CKAP5: variants seen among roughly 807,000 people sequenced by gnomAD.
The protein encoded by CKAP5 is cytoskeleton associated protein 5, also known as cytoskeleton-associated protein 5.
CKAP5 carries 27 observed loss-of-function variants against 232.8 expected under a neutral mutation model. The observed-to-expected ratio is 0.12, with a 90% CI of 0.09 to 0.16. The LOEUF is 0.16. Among genes scored for constraint, CKAP5 ranks in the 10% least tolerant of loss-of-function variants. The pLI is 1.00. For missense variants in CKAP5, 1,838 were observed against 2,424.7 expected (o/e 0.76, Z 5.08); for synonymous variants, 785 against 841.1 (o/e 0.93, Z 1.16).
Position 46,788,779 on chromosome 11 carries a change from A to G in CKAP5, c.1876-6T>C. 6.3e-7 allele frequency: 1 copy of G among 1,591,648 alleles called. No individual in the cohort carries two copies. Among genetic ancestry groups the G allele is most frequent in the Non-Finnish European group, 8.6e-7 (1 of 1,166,006 alleles). On this transcript the variant is annotated splice_polypyrimidine_tract_variant and splice_region_variant and intron_variant, in intron 15 of 43. Coordinates refer to ENST00000529230, the MANE Select transcript of CKAP5 (RefSeq NM_001008938.4). ...CGGTCCATTAGCTCAACAGCCTTGA[A>G]GTAAAATAAGAGAATAAGAGTTTAA... is the stretch of plus-strand genomic sequence containing the variant.
intron 1 of CKAP5, among the ~76,000 whole-genome samples, chr11:46,834,081 G>A (rs996544420): frequency 2.0e-5 from 3 of 152,112 alleles, no homozygotes; most frequent in African/African-American, 7.2e-5. Flanking sequence ...TGTTGGCCAG[G>A]CTGGTCCTGA....
chr11:46,841,031 G>A (rs1201901255), intron 1 of CKAP5, among the ~76,000 whole-genome samples: 1 of 152,166 alleles, frequency 6.6e-6, no homozygotes, highest in Non-Finnish European at 1.5e-5. Context: ...CACTTTGGGA[G>A]GCTGAGGCGG....
At position 46,770,937 on chromosome 11, in the gene CKAP5, G is replaced by A; in HGVS notation, c.3037C>T (p.Pro1013Ser). ...AEKLPTLRST[P>S]TDLILCVPHL... ...GGAACACAAAGGATAAGGTCTGTAG[G>A]GGTGGAACGAAGAGTAGGTAGTTTC... is the stretch of plus-strand genomic sequence containing the variant. Residue 1013 changes from proline to serine, a missense_variant, in exon 25 of 44, where the codon CCT (proline) becomes TCT (serine). Pro to Ser is a moderately conservative substitution (Grantham distance 74, BLOSUM62 -1). Coordinates refer to ENST00000529230, the MANE Select transcript of CKAP5 (RefSeq NM_001008938.4). 5 of 1,613,794 alleles carry A rather than the reference G, an allele frequency of 3.1e-6. 1 individual carries two copies. The Admixed American group carries it at 8.3e-5, about 27-fold the overall frequency.
At chr11:46,820,819 C>T (rs186014104) in intron 2 of CKAP5, 111 of 159,950 alleles carry the variant, frequency 6.9e-4, no homozygotes, top group African/African-American at 2.4e-3. Flanking sequence ...AGGCCAAATT[C>T]AGAACACATC....
intron 42 of CKAP5, 84 bp downstream of exon 42, chr11:46,750,190 T>C (rs1176284274): frequency 2.9e-6 from 4 of 1,367,590 alleles, no homozygotes; most frequent in South Asian, 1.4e-5. Context: ...TTCATGGATA[T>C]GAATTTAAAC....
At chr11:46,831,728 C>T (rs1939797551) in intron 1 of CKAP5, among the ~76,000 whole-genome samples, 1 of 151,950 alleles carries the variant, frequency 6.6e-6, no homozygotes, top group Non-Finnish European at 1.5e-5. Context: ...GACAGGGTCT[C>T]ACTATGTGGC....
At position 46,765,209 on chromosome 11, in the gene CKAP5, A is replaced by C. The variant is rs765998587; in HGVS notation, c.3459T>G (p.Asp1153Glu). ...KMPSKTSLKE[D>E]EDKSGPIFIV... Reference sequence around the variant, plus strand: ...TAAAAATAGGCCCGGATTTGTCTTCATCCTCCTTTAAGCTGGTTTTGCTTG... The same window carrying C: ...TAAAAATAGGCCCGGATTTGTCTTCCTCCTCCTTTAAGCTGGTTTTGCTTG... Residue 1153 changes from aspartate to glutamate, a missense_variant, in exon 28 of 44, where the codon GAT becomes GAG. Physicochemically the swap from Asp to Glu is conservative, Grantham distance 45. Transcript: ENST00000529230. 7 of 1,613,016 alleles carry C rather than the reference A, an allele frequency of 4.3e-6. No individual in the cohort carries two copies. In the African/African-American group the frequency reaches 9.4e-5, roughly 22 times the overall value.
Position 46,797,935 on chromosome 11 carries a change from G to A in CKAP5, c.1208C>T (p.Ala403Val), listed in dbSNP as rs1405358906. 1.4e-5 allele frequency: 22 copies of A among 1,613,820 alleles called. No homozygotes were observed. The highest frequency in any genetic ancestry group is 1.8e-5 in the Non-Finnish European group (21 of 1,179,998). Residue 403 changes from alanine (A) to valine (V), a missense_variant, in exon 11 of 44, where the codon GCA becomes GTA. By Grantham distance (64) the Ala-to-Val change is moderately conservative. This residue lies in a region of CKAP5 where 97 missense variants were observed against 167.7 expected (regional missense o/e 0.58). Coordinates refer to ENST00000529230, the MANE Select transcript of CKAP5 (RefSeq NM_001008938.4). ...TLQNISEDVL[A>V]VMDNKNPTIK... ...GGTTGGATTTTTATTATCCATTACT[G>A]CTAAAACATCCTCACTGATGTTCTG...
At chr11:46,823,181 G>A (rs1267819036) in intron 1 of CKAP5, among the ~76,000 whole-genome samples, 2 of 152,002 alleles carry the variant, frequency 1.3e-5, no homozygotes, top group Admixed American at 1.3e-4. Context: ...ATATTGCCCA[G>A]ACTGGTCTCG....
chr11:46,822,741 C>CAAAAAA (rs57170422), intron 1 of CKAP5, among the ~76,000 whole-genome samples: 6 of 77,878 alleles, frequency 7.7e-5, no homozygotes, highest in African/African-American at 2.5e-4. Context: ...GACTCCGTCC[C>CAAAAAA]AAAAAAAAAA....
chr11:46,765,290 T>C, intron 27 of CKAP5, 34 bp from the exon 28 acceptor site: 1 of 1,563,216 alleles, frequency 6.4e-7, no homozygotes, highest in Non-Finnish European at 8.7e-7. Context: ...CTGATTAGCT[T>C]GGCCACTTCT....
At chr11:46,809,106 C>T (rs191362160) in intron 7 of CKAP5, among the ~76,000 whole-genome samples, 362 of 152,076 alleles carry the variant, frequency 2.4e-3, no homozygotes, top group African/African-American at 8.3e-3. Context: ...GCAGTAGAAA[C>T]GGAGAAAGGG....
chr11:46,810,836 G>C (rs1939258707), intron 5 of CKAP5, among the ~76,000 whole-genome samples, 171 bp downstream of exon 5: 1 of 152,142 alleles, frequency 6.6e-6, no homozygotes, highest in African/African-American at 2.4e-5. Flanking sequence ...CAGATAATAA[G>C]TTCTGCCACC....
chr11:46,790,482 C>A lies in CKAP5; in HGVS notation c.1752G>T (p.Glu584Asp). Reference sequence around the variant, plus strand: ...TGTTAATACTGACCGAGAGCTCAGGCTCCACTATTTCTTTAGTCTCCAGTC... The same window carrying A: ...TGTTAATACTGACCGAGAGCTCAGGATCCACTATTTCTTTAGTCTCCAGTC... The part of the protein sequence containing the change: ...KKGLETKEIV[E>D]PELSIEVCEE... The change falls in exon 14 of 44, where the codon GAG (glutamate) becomes GAT (aspartate). Residue 584 changes from glutamate to aspartate, a missense_variant. Around this residue, in one of 6 missense-constraint regions of CKAP5, gnomAD observed 767 missense variants for 954.6 expected, o/e 0.80. Coordinates refer to ENST00000529230, the MANE Select transcript of CKAP5 (RefSeq NM_001008938.4). 6.2e-7 allele frequency: 1 copy of A among 1,611,934 alleles called. No individual in the cohort carries two copies. Among genetic ancestry groups the A allele is most frequent in the Non-Finnish European group, 8.5e-7 (1 of 1,178,078 alleles).
intron 7 of CKAP5, among the ~76,000 whole-genome samples, chr11:46,809,135 T>C (rs1939217936): frequency 6.6e-6 from 1 of 152,126 alleles, no homozygotes; most frequent in Non-Finnish European, 1.5e-5. Flanking sequence ...CGGAGCTCTT[T>C]AGTGTTAAAA....
rs1167444040 is a variant in CKAP5, at chr11:46,762,139, T to G, written c.4082A>C (p.Gln1361Pro). The change falls in exon 32 of 44, where the codon CAA (glutamine) becomes CCA (proline). Residue 1361 changes from glutamine to proline, a missense_variant. This residue lies in a region of CKAP5 where 579 missense variants were observed against 843.2 expected (regional missense o/e 0.69). Transcript: ENST00000529230. The part of the protein sequence containing the change: ...LVESYGMNVC[Q>P]PTPGKALKEI... ...CTTTAAGGCTTTTCCTGGGGTTGGT[T>G]GGCAAACATTCATGCCATAGGACTC... The G allele has an allele frequency of 2.5e-6, 4 of 1,614,042 alleles. No individual in the cohort carries two copies. The African/African-American group carries it at 5.3e-5, about 22-fold the overall frequency.
chr11:46,834,519 C>CAAA (rs35792132), intron 1 of CKAP5, among the ~76,000 whole-genome samples: 26 of 53,484 alleles, frequency 4.9e-4, no homozygotes, highest in African/African-American at 6.1e-4. Flanking sequence ...AACTCCATCT[C>CAAA]AAAAAAAAAA....
Position 46,778,136 on chromosome 11 carries a change from T to C in CKAP5, c.2748+3A>G. On this transcript the variant is annotated splice_donor_region_variant and intron_variant, in intron 22 of 43. Coordinates refer to ENST00000529230, the MANE Select transcript of CKAP5 (RefSeq NM_001008938.4). ...AAAAAGAACAGCCGTATGCTCTACA[T>C]ACCAAGATTTTATTTGAATCATTGA... 6.2e-7 allele frequency: 1 copy of C among 1,613,038 alleles called. No homozygotes were observed. The highest frequency in any genetic ancestry group is 8.5e-7 in the Non-Finnish European group (1 of 1,179,404).
chr11:46,772,087 G>A (rs1162946387), intron 24 of CKAP5, among the ~76,000 whole-genome samples: 2 of 149,072 alleles, frequency 1.3e-5, no homozygotes, highest in Admixed American at 6.7e-5. Context: ...AGGCTGGAGT[G>A]CAATGGCATG....
Sources: gnomAD v4.1 joint callset for allele counts (sites outside exome capture counted in the v4.1 genomes callset) on GRCh38, gnomAD v4.1.1 for gene constraint, gnomAD v4.1.1 regional missense constraint, MANE v1.5 for transcripts, NCBI Gene and HGNC (gene_info 2026-07-23, HGNC 2026-07-21) for gene names.